The following PHTF1 variants were observed in gnomAD, a reference collection of about 807,000 sequenced individuals.
PHTF1 encodes the protein protein PHTF1.
A neutral mutation model predicts 102.4 loss-of-function variants in PHTF1; 88 were observed. The ratio of observed to expected loss-of-function variants is 0.86; its 90% CI spans 0.72 to 1.03. The LOEUF (loss-of-function observed/expected upper bound fraction) is 1.03. Ranked by LOEUF, PHTF1 falls within the 50% of genes least tolerant of loss-of-function variation. The pLI is 0.00. For missense variants in PHTF1, 814 were observed against 909.5 expected, an observed-to-expected ratio of 0.89 and a Z score of 1.35; for synonymous variants, 289 against 305.2, an observed-to-expected ratio of 0.95 and a Z score of 0.55.
Position 113,697,584 on chromosome 1 carries a change from G to T in PHTF1, c.*121C>A. ...AACACCATTCATTCGCTTTGGCAGAGCTGAGAGCACCTGTGCATGTGAACA... is the reference window on the plus strand; with the variant it reads ...AACACCATTCATTCGCTTTGGCAGATCTGAGAGCACCTGTGCATGTGAACA... On this transcript the variant is annotated 3_prime_UTR_variant, in exon 19 of 19. Transcript: ENST00000369604. The T allele has an allele frequency of 1.4e-6, 1 of 701,626 alleles. No individual in the cohort carries two copies. Among genetic ancestry groups the T allele is most frequent in the Non-Finnish European group, 2.5e-6 (1 of 392,620 alleles). The allele number at this position is 701,626 out of a possible 1,614,324, so 43.5% of individuals were successfully genotyped here.
Position 113,704,027 on chromosome 1 carries a change from T to C in PHTF1, c.1890+54A>G, listed in dbSNP as rs150221882. The C allele has an allele frequency of 9.5e-4, 1,071 of 1,127,506 alleles. 1 individual carries two copies. The highest frequency in any genetic ancestry group is 1.2e-3 in the Non-Finnish European group (924 of 751,738). The allele number at this position is 1,127,506 out of a possible 1,614,324, so 69.8% of individuals were successfully genotyped here. ...AGTGACCTAAGTCTAAAACAGAAAGTGAACTCTATAATAGAATTTTCATTT... is the reference window on the plus strand; with the variant it reads ...AGTGACCTAAGTCTAAAACAGAAAGCGAACTCTATAATAGAATTTTCATTT... On this transcript the variant is annotated intron_variant, in intron 15 of 18. Transcript: ENST00000369604.
At chr1:113,751,593 A>G (rs1452609436) in intron 3 of PHTF1, among the ~76,000 whole-genome samples, 2 of 152,200 alleles carry the variant, frequency 1.3e-5, no homozygotes, top group Non-Finnish European at 2.9e-5. Context: ...GTTTATACCA[A>G]TTGATTCACC....
chr1:113,718,304 T>C (rs1178916747), intron 7 of PHTF1, among the ~76,000 whole-genome samples: 1 of 152,198 alleles, frequency 6.6e-6, no homozygotes, highest in Non-Finnish European at 1.5e-5. Flanking sequence ...TGGGTTCACA[T>C]GGTCTTGGGC....
chr1:113,703,905 A>C, intron 15 of PHTF1, 176 bp downstream of exon 15: 1 of 546,026 alleles, frequency 1.8e-6, no homozygotes, highest in Non-Finnish European at 3.3e-6. Flanking sequence ...AAAGGACTTC[A>C]GAATTACTTG....
At chr1:113,702,577 C>CTCCA (rs1157095342) in intron 15 of PHTF1, among the ~76,000 whole-genome samples, 1 of 151,958 alleles carries the variant, frequency 6.6e-6, no homozygotes, top group Admixed American at 6.6e-5. Context: ...CAAAGCCAGA[C>CTCCA]TCCACTTCTA....
intron 3 of PHTF1, among the ~76,000 whole-genome samples, chr1:113,745,246 G>T (rs559218779): frequency 5.3e-5 from 8 of 152,208 alleles, no homozygotes; most frequent in Admixed American, 5.2e-4. Flanking sequence ...TGATTTTATT[G>T]TAAGGGTACT....
intron 7 of PHTF1, among the ~76,000 whole-genome samples, chr1:113,723,467 T>G (rs1196799699): frequency 6.6e-6 from 1 of 152,124 alleles, no homozygotes; most frequent in African/African-American, 2.4e-5. Flanking sequence ...CATGAGCCAC[T>G]GTGCCCGGCC....
chr1:113,742,686 C>G (rs777745171), intron 3 of PHTF1, among the ~76,000 whole-genome samples: 2 of 151,986 alleles, frequency 1.3e-5, no homozygotes, highest in Admixed American at 6.6e-5. Flanking sequence ...GAATAGTGCT[C>G]TCAGGATTGG....
intron 5 of PHTF1, among the ~76,000 whole-genome samples, chr1:113,734,243 G>C (rs1172726882): frequency 6.6e-6 from 1 of 152,148 alleles, no homozygotes; most frequent in African/African-American, 2.4e-5. Flanking sequence ...CTGGGCAACA[G>C]AGCAAGACTC....
At position 113,738,746 on chromosome 1, in the gene PHTF1, G is replaced by A. The variant is rs186645731; in HGVS notation, c.156C>T (p.Asp52=). The A allele has an allele frequency of 2.9e-5, 47 of 1,596,108 alleles. No individual in the cohort carries two copies. Among genetic ancestry groups the A allele is most frequent in the African/African-American group, 1.2e-4 (9 of 74,418 alleles). The change falls in exon 4 of 19, where the codon GAC becomes GAT. Residue 52 remains aspartate (D), a synonymous_variant. Coordinates refer to ENST00000369604, the MANE Select transcript of PHTF1 (RefSeq NM_001323043.2). ...AAGACTAACCTCTGATTAAGTCAAC[G>A]TCAATCAAGTCTGGCTTTATGTGGC... The part of the protein sequence containing the change: ...KMGHIKPDLI[D]VDLIRGSTFA...
intron 7 of PHTF1, among the ~76,000 whole-genome samples, chr1:113,720,680 T>G (rs1652785138): frequency 6.6e-6 from 1 of 152,220 alleles, no homozygotes; most frequent in African/African-American, 2.4e-5. Context: ...TGCAAGCTAT[T>G]GGTGGATCTA....
chr1:113,716,945 C>T (rs968221075), intron 7 of PHTF1, among the ~76,000 whole-genome samples: 6 of 151,966 alleles, frequency 3.9e-5, no homozygotes, highest in Admixed American at 1.3e-4. Flanking sequence ...TATGTGTAAA[C>T]GACTCATATC....
rs1650884041 is a variant in PHTF1, at chr1:113,710,401, A to G, written c.1122T>C (p.His374=). The G allele has an allele frequency of 6.2e-6, 10 of 1,614,178 alleles. No individual in the cohort carries two copies. Among genetic ancestry groups the G allele is most frequent in the Non-Finnish European group, 8.5e-6 (10 of 1,180,012 alleles). ...ATAACATGTCCTCAGTCTCCGAGTC[A>G]TGGCGGGTGCTTTCTGAGTCTCTTC... ...MSRRDSESTR[H]DSETEDMLWD... The change falls in exon 11 of 19, where the codon CAT becomes CAC. Residue 374 remains histidine, a synonymous_variant. Transcript: ENST00000369604.
intron 6 of PHTF1, 53 bp from the exon 7 acceptor site, chr1:113,724,946 T>C: frequency 7.5e-7 from 1 of 1,326,694 alleles, no homozygotes; most frequent in Non-Finnish European, 1.0e-6. Flanking sequence ...TTTCTATTTC[T>C]GCCAAAAATA....
chr1:113,730,236 G>GT (rs1299651340), intron 5 of PHTF1, among the ~76,000 whole-genome samples: 1 of 148,142 alleles, frequency 6.8e-6, no homozygotes, highest in Non-Finnish European at 1.5e-5. Flanking sequence ...CCAGGTAACA[G>GT]TAAAAAAAAA....
chr1:113,752,385 ATTTTTTTTTTTTTTTTTT>A (rs774522219), intron 3 of PHTF1, among the ~76,000 whole-genome samples: 2 of 47,842 alleles, frequency 4.2e-5, no homozygotes, highest in African/African-American at 2.0e-4. Context: ...TGTTACTGTA[ATTTTTTTTTTTTTTTTTT>A]TTTTTTTTTT....
Position 113,706,152 on chromosome 1 carries a change from T to A in PHTF1, c.1409A>T (p.Tyr470Phe), listed in dbSNP as rs140067418. The A allele has an allele frequency of 2.5e-6, 4 of 1,611,502 alleles. No homozygotes were observed. The highest frequency in any genetic ancestry group is 2.7e-5 in the African/African-American group (2 of 74,846). ...SGIIMSRVNA[Y>F]QQGVGYQMLG... Reference sequence around the variant, plus strand: ...CATCTGATAACCTACTCCTTGCTGATAGGCATTGACCTGTGAATTAATTTA... The same window carrying A: ...CATCTGATAACCTACTCCTTGCTGAAAGGCATTGACCTGTGAATTAATTTA... Residue 470 changes from tyrosine (Y) to phenylalanine (F), a missense_variant, in exon 13 of 19, where the codon TAT becomes TTT. Transcript: ENST00000369604.
chr1:113,704,738 A>G lies in PHTF1; in HGVS notation c.1731T>C (p.Tyr577=). 1.3e-6 allele frequency: 2 copies of G among 1,590,338 alleles called. No homozygotes were observed. Among genetic ancestry groups the G allele is most frequent in the East Asian group, 2.2e-5 (1 of 44,738 alleles). Residue 577 remains tyrosine (Y), a synonymous_variant, in exon 14 of 19, where the codon TAT becomes TAC. Coordinates refer to ENST00000369604, the MANE Select transcript of PHTF1 (RefSeq NM_001323043.2). ...TCTTAAGTCTGAAATGAGGTATTTCATATTTCCTAGCTTTCCTGGCAGAAG... is the reference window on the plus strand; with the variant it reads ...TCTTAAGTCTGAAATGAGGTATTTCGTATTTCCTAGCTTTCCTGGCAGAAG... The part of the protein sequence containing the change: ...HITSARKARK[Y]EIPHFRLKKV...
At chr1:113,732,007 C>T (rs1233934129) in intron 5 of PHTF1, among the ~76,000 whole-genome samples, 1 of 151,800 alleles carries the variant, frequency 6.6e-6, no homozygotes, top group Non-Finnish European at 1.5e-5. Context: ...TTCTGTCCAT[C>T]CTCCAAAAAT....
Sources: gnomAD v4.1 joint callset for allele counts (sites outside exome capture counted in the v4.1 genomes callset) on GRCh38, gnomAD v4.1.1 for gene constraint, MANE v1.5 for transcripts, NCBI Gene and HGNC (gene_info 2026-07-23, HGNC 2026-07-21) for gene names.